ARFGEF1: variants seen among roughly 807,000 people sequenced by gnomAD.
ARFGEF1 encodes the protein ARF guanine nucleotide exchange factor 1.
In ARFGEF1, 42 loss-of-function variants were observed where a neutral mutation model predicts 231.0. That is an observed-to-expected ratio of 0.18 (90% CI 0.14 to 0.24). The LOEUF is 0.24. ARFGEF1 is among the 10% of genes least tolerant of loss of function. The pLI, the probability that ARFGEF1 is intolerant of heterozygous loss-of-function variation, is 1.00. For synonymous variants in ARFGEF1, 710 were observed against 732.3 expected (o/e 0.97, Z 0.49); for missense variants, 1,345 against 2,192.0 (o/e 0.61, Z 7.72).
chr8:67,278,204 G>A (rs892498573), intron 7 of ARFGEF1, among the ~76,000 whole-genome samples: 4 of 152,194 alleles, frequency 2.6e-5, no homozygotes, highest in African/African-American at 4.8e-5. Context: ...AAGATAGTAC[G>A]AGAGACACAT....
At chr8:67,177,202 G>A (rs1304467600) in intron 5 of ARFGEF1, among the ~76,000 whole-genome samples, 1 of 151,702 alleles carries the variant, frequency 6.6e-6, no homozygotes, top group Admixed American at 6.6e-5. Flanking sequence ...TATCTAAAAA[G>A]GGCAAAATGT....
chr8:67,251,817 T>C (rs890083763), intron 18 of ARFGEF1, among the ~76,000 whole-genome samples: 4 of 152,102 alleles, frequency 2.6e-5, no homozygotes, highest in Non-Finnish European at 4.4e-5. Flanking sequence ...GCTAATTTTA[T>C]GTTCTATGAA....
At chr8:67,270,260 G>T (rs1805022960) in intron 10 of ARFGEF1, among the ~76,000 whole-genome samples, 2 of 152,042 alleles carry the variant, frequency 1.3e-5, no homozygotes, top group Non-Finnish European at 2.9e-5. Context: ...CACCAAAAAT[G>T]GTTTCCTGTC....
intron 19 of ARFGEF1, among the ~76,000 whole-genome samples, chr8:67,241,485 T>A (rs546203518): frequency 3.9e-5 from 6 of 151,954 alleles, no homozygotes; most frequent in Non-Finnish European, 5.9e-5. Context: ...AAAAAAAAAA[T>A]GTTTAACTCC....
chr8:67,194,123 A>C (rs1377625052), downstream of ARFGEF1, among the ~76,000 whole-genome samples: 3 of 152,318 alleles, frequency 2.0e-5, no homozygotes, highest in Non-Finnish European at 4.4e-5. Flanking sequence ...CATAGAGCAC[A>C]AGGCAGGATG....
At chr8:67,178,638 A>T (rs1347331596) in intron 5 of ARFGEF1, among the ~76,000 whole-genome samples, 1 of 152,196 alleles carries the variant, frequency 6.6e-6, no homozygotes, top group Non-Finnish European at 1.5e-5. Flanking sequence ...TGGGTAGGCA[A>T]CATTTGAGTA....
intron 23 of ARFGEF1, among the ~76,000 whole-genome samples, chr8:67,229,961 A>G (rs560901310): frequency 1.3e-5 from 2 of 152,142 alleles, no homozygotes; most frequent in South Asian, 4.1e-4. Context: ...AGGTGTTGAC[A>G]TAACGGAGAA....
chr8:67,194,431 A>G (rs991778691), downstream of ARFGEF1, among the ~76,000 whole-genome samples: 1 of 152,234 alleles, frequency 6.6e-6, no homozygotes, highest in Admixed American at 6.5e-5. Flanking sequence ...TTCCACACCA[A>G]ACACAAAGCA....
chr8:67,317,005 A>G (rs946229382), intron 1 of ARFGEF1, among the ~76,000 whole-genome samples: 1 of 152,184 alleles, frequency 6.6e-6, no homozygotes. Context: ...CATGTGACCA[A>G]TGACTCACTC....
At chr8:67,339,491 A>G (rs1224316108) in intron 1 of ARFGEF1, among the ~76,000 whole-genome samples, 1 of 152,046 alleles carries the variant, frequency 6.6e-6, no homozygotes, top group Admixed American at 6.6e-5. Flanking sequence ...GCCTTACTGG[A>G]ATAAGTCCCA....
At chr8:67,294,750 G>T (rs1806157637) in intron 5 of ARFGEF1, among the ~76,000 whole-genome samples, 1 of 152,130 alleles carries the variant, frequency 6.6e-6, no homozygotes, top group Admixed American at 6.6e-5. Flanking sequence ...AATTGAGTGG[G>T]ACGGAAGGGA....
chr8:67,187,015 A>ATCTATCT (rs1554622825), intron 5 of ARFGEF1, among the ~76,000 whole-genome samples: 4 of 142,976 alleles, frequency 2.8e-5, no homozygotes, highest in African/African-American at 1.0e-4. Flanking sequence ...CTATCTATCT[A>ATCTATCT]ATCTATCTAT....
At chr8:67,203,675 T>C (rs2129577348) in intron 35 of ARFGEF1, among the ~76,000 whole-genome samples, 1 of 152,376 alleles carries the variant, frequency 6.6e-6, no homozygotes, top group Non-Finnish European at 1.5e-5. Flanking sequence ...GCCCAGCCCT[T>C]GGCAGACCTT....
intron 5 of ARFGEF1, among the ~76,000 whole-genome samples, chr8:67,292,420 A>G (rs927115050): frequency 1.3e-5 from 2 of 152,158 alleles, no homozygotes; most frequent in Non-Finnish European, 2.9e-5. Context: ...TTTTGCTTAT[A>G]CATACAGAAA....
chr8:67,285,634 C>T (rs1805726251), intron 7 of ARFGEF1, among the ~76,000 whole-genome samples: 1 of 152,160 alleles, frequency 6.6e-6, no homozygotes, highest in African/African-American at 2.4e-5. Flanking sequence ...TTACAGAGAG[C>T]TGATAATCAC....
intron 1 of ARFGEF1, among the ~76,000 whole-genome samples, chr8:67,311,348 C>G (rs1763332146): frequency 7.8e-6 from 1 of 128,410 alleles, no homozygotes. Context: ...GGCGCCTCTG[C>G]CCGGCCGCCC....
chr8:67,185,021 C>T (rs1045481012), intron 5 of ARFGEF1, among the ~76,000 whole-genome samples: 6 of 147,440 alleles, frequency 4.1e-5, no homozygotes, highest in Non-Finnish European at 7.4e-5. Flanking sequence ...AGGAGAATGG[C>T]GTGAACCCGG....
chr8:67,203,027 T>C, intron 36 of ARFGEF1, 56 bp downstream of exon 36: 1 of 1,551,398 alleles, frequency 6.4e-7, no homozygotes, highest in Admixed American at 1.8e-5. Flanking sequence ...GACCTGTATG[T>C]ACCTGTCCCA....
At chr8:67,203,830 T>TC (rs1838417696) in intron 35 of ARFGEF1, among the ~76,000 whole-genome samples, 2 of 152,126 alleles carry the variant, frequency 1.3e-5, no homozygotes, top group South Asian at 4.2e-4. Flanking sequence ...TCTCACAAGC[T>TC]CCTACCCCAA....
Sources: allele counts gnomAD v4.1 joint callset (sites outside exome capture counted in the v4.1 genomes callset), GRCh38; gene constraint gnomAD v4.1.1; transcripts MANE v1.5; gene names NCBI Gene and HGNC (gene_info 2026-07-23, HGNC 2026-07-21).